Variants in CFAP96 observed in about 807,000 individuals in gnomAD.
CFAP96 encodes the protein cilia-and flagella-associated protein 96.
At chr4:185,446,920 G>A in the CFAP96 span, among the ~76,000 whole-genome samples, 2 of 152,024 alleles carry the variant, frequency 1.3e-5, no homozygotes, top group Non-Finnish European at 2.9e-5. Flanking sequence ...TGTCTTTCTT[G>A]TTATTTTCAT....
At chr4:185,445,167 A>G in the CFAP96 span, 2 of 1,498,642 alleles carry the variant, frequency 1.3e-6, no homozygotes, top group South Asian at 1.3e-5. Context: ...AAACTAAGAA[A>G]AAATTGTTTC....
chr4:185,448,657 C>T, the CFAP96 span, among the ~76,000 whole-genome samples: 1 of 152,250 alleles, frequency 6.6e-6, no homozygotes, highest in Non-Finnish European at 1.5e-5. Context: ...TTTTTTCTAT[C>T]CTTTTAACCT....
At chr4:185,411,607 G>C in the CFAP96 span, among the ~76,000 whole-genome samples, 1 of 152,132 alleles carries the variant, frequency 6.6e-6, no homozygotes, top group Non-Finnish European at 1.5e-5. Context: ...TGAGAGATTT[G>C]TGCCAAAGTA....
At chr4:185,440,158 TGAA>T in the CFAP96 span, among the ~76,000 whole-genome samples, 9 of 151,998 alleles carry the variant, frequency 5.9e-5, no homozygotes, top group Admixed American at 4.6e-4. Context: ...CATTTACAGT[TGAA>T]GAAGATGTGA....
the CFAP96 span, among the ~76,000 whole-genome samples, chr4:185,436,793 G>T: frequency 3.0e-4 from 45 of 151,120 alleles, no homozygotes; most frequent in East Asian, 7.2e-3. Flanking sequence ...GTATCACTGG[G>T]GCAGTGGCAA....
At chr4:185,436,340 C>T in the CFAP96 span, 1 of 1,548,630 alleles carries the variant, frequency 6.5e-7, no homozygotes, top group Admixed American at 2.0e-5. Flanking sequence ...TTCTATGATG[C>T]AGCAAAACTA....
At chr4:185,425,322 G>A in the CFAP96 span, among the ~76,000 whole-genome samples, 2 of 152,036 alleles carry the variant, frequency 1.3e-5, no homozygotes, top group East Asian at 1.9e-4. Context: ...AAATACATAT[G>A]AGCTATCCAA....
At chr4:185,429,463 G>T in the CFAP96 span, 1 of 1,538,532 alleles carries the variant, frequency 6.5e-7, no homozygotes, top group East Asian at 2.5e-5. Context: ...CCTCTTTAGT[G>T]AGATGGAATA....
At chr4:185,430,910 T>C in the CFAP96 span, among the ~76,000 whole-genome samples, 2 of 147,090 alleles carry the variant, frequency 1.4e-5, no homozygotes, top group African/African-American at 5.1e-5. Flanking sequence ...AAAAAAAAGT[T>C]TAAAAAACTC....
At chr4:185,417,770 G>A in the CFAP96 span, among the ~76,000 whole-genome samples, 3 of 152,146 alleles carry the variant, frequency 2.0e-5, no homozygotes, top group African/African-American at 4.8e-5. Context: ...CCAGCCGGGC[G>A]CGGTGGCTCA....
At chr4:185,440,431 A>C in the CFAP96 span, 1 of 686,338 alleles carries the variant, frequency 1.5e-6, no homozygotes, top group Non-Finnish European at 2.4e-6. Flanking sequence ...TACACCCAGC[A>C]GGATAGATTT....
the CFAP96 span, chr4:185,416,052 A>T: frequency 6.7e-5 from 30 of 445,314 alleles, no homozygotes; most frequent in Non-Finnish European, 1.1e-4. Flanking sequence ...GCTGTGAATG[A>T]TCAACTGAGA....
chr4:185,426,044 C>T, the CFAP96 span: 1 of 679,824 alleles, frequency 1.5e-6, no homozygotes, highest in Non-Finnish European at 2.5e-6. Context: ...CCCTCGCGGA[C>T]GGCGAGGCGG....
chr4:185,447,323 A>G, the CFAP96 span, among the ~76,000 whole-genome samples: 1 of 151,790 alleles, frequency 6.6e-6, no homozygotes, highest in Non-Finnish European at 1.5e-5. Flanking sequence ...CTGGGACTAC[A>G]GGCGCCCGCC....
chr4:185,449,770 C>T, the CFAP96 span: 1 of 545,066 alleles, frequency 1.8e-6, no homozygotes, highest in South Asian at 3.2e-5. Flanking sequence ...AATTCTGCAA[C>T]TCTAATTCTC....
chr4:185,418,476 A>C, the CFAP96 span: 1 of 1,611,614 alleles, frequency 6.2e-7, no homozygotes, highest in Non-Finnish European at 8.5e-7. Flanking sequence ...TTTCTCATGA[A>C]TTTTCTTTTT....
At chr4:185,411,815 T>C in the CFAP96 span, among the ~76,000 whole-genome samples, 1 of 152,146 alleles carries the variant, frequency 6.6e-6, no homozygotes, top group African/African-American at 2.4e-5. Context: ...TTAGACAAAA[T>C]ACCAGAGATG....
chr4:185,415,196 G>A, the CFAP96 span: 4 of 1,606,324 alleles, frequency 2.5e-6, no homozygotes, highest in Non-Finnish European at 3.4e-6. Flanking sequence ...ATTCCTGAAG[G>A]ATATGAAATT....
At chr4:185,423,381 G>A in the CFAP96 span, among the ~76,000 whole-genome samples, 2 of 152,184 alleles carry the variant, frequency 1.3e-5, no homozygotes. Context: ...CTCATACTGA[G>A]GGTGGGATAT....
Sources: allele counts gnomAD v4.1 joint callset (sites outside exome capture counted in the v4.1 genomes callset), GRCh38; gene constraint gnomAD v4.1.1; transcripts MANE v1.5; gene names NCBI Gene and HGNC (gene_info 2026-07-23, HGNC 2026-07-21).